Variants in SPIDR observed in about 807,000 individuals in gnomAD.
The protein encoded by SPIDR is scaffold protein involved in DNA repair, also known as DNA repair-scaffolding protein.
SPIDR carries 93 observed loss-of-function variants against 104.6 expected under a neutral mutation model. The ratio of observed to expected loss-of-function variants is 0.89; its 90% CI spans 0.75 to 1.06. The LOEUF (loss-of-function observed/expected upper bound fraction) is 1.06. SPIDR is among the 50% of genes least tolerant of loss of function. SPIDR has a pLI of 0.00. For missense variants in SPIDR, 1,154 were observed against 1,111.2 expected (o/e 1.04, Z -0.55); for synonymous variants, 431 against 416.9 (o/e 1.03, Z -0.41).
chr8:47,444,882 T>C (rs1335693910), intron 8 of SPIDR, among the ~76,000 whole-genome samples: 1 of 152,216 alleles, frequency 6.6e-6, no homozygotes, highest in Non-Finnish European at 1.5e-5. Flanking sequence ...GTGGTACATA[T>C]TGGTTCTTTT....
At chr8:47,578,070 C>T (rs979710116) in intron 8 of SPIDR, among the ~76,000 whole-genome samples, 1 of 152,216 alleles carries the variant, frequency 6.6e-6, no homozygotes, top group Non-Finnish European at 1.5e-5. Context: ...AAAGACTAAT[C>T]ATAACTGATA....
chr8:47,644,344 G>A (rs866684728), intron 10 of SPIDR, among the ~76,000 whole-genome samples: 114 of 152,300 alleles, frequency 7.5e-4, no homozygotes, highest in African/African-American at 2.1e-3. Flanking sequence ...TCTTAGCTGT[G>A]CCCCACAGCT....
At chr8:47,533,936 T>G (rs2086469643) in intron 8 of SPIDR, among the ~76,000 whole-genome samples, 1 of 152,222 alleles carries the variant, frequency 6.6e-6, no homozygotes, top group Non-Finnish European at 1.5e-5. Flanking sequence ...TTTGGCTCTG[T>G]GTCCCCACCC....
intron 5 of SPIDR, among the ~76,000 whole-genome samples, chr8:47,379,571 T>C (rs1232115370): frequency 6.6e-6 from 1 of 152,176 alleles, no homozygotes; most frequent in Non-Finnish European, 1.5e-5. Context: ...TTAAAATGAT[T>C]AAAATATAAG....
intron 10 of SPIDR, among the ~76,000 whole-genome samples, chr8:47,664,118 A>G (rs2154464869): frequency 6.6e-6 from 1 of 152,298 alleles, no homozygotes; most frequent in East Asian, 1.9e-4. Context: ...GGTCCAGTCA[A>G]GAAGATGGTC....
At chr8:47,576,227 C>T (rs900154977) in intron 8 of SPIDR, among the ~76,000 whole-genome samples, 11 of 151,598 alleles carry the variant, frequency 7.3e-5, no homozygotes, top group Non-Finnish European at 4.4e-5. Context: ...TTTCAGCTCA[C>T]TGCAGCCTCC....
chr8:47,553,384 TCAGA>T (rs2090863831), intron 8 of SPIDR, among the ~76,000 whole-genome samples: 1 of 152,244 alleles, frequency 6.6e-6, no homozygotes, highest in Non-Finnish European at 1.5e-5. Flanking sequence ...GGTACACCAA[TCAGA>T]CATAGATTTG....
intron 8 of SPIDR, among the ~76,000 whole-genome samples, chr8:47,570,961 G>A (rs2058446303): frequency 6.6e-6 from 1 of 151,966 alleles, no homozygotes; most frequent in South Asian, 2.1e-4. Context: ...TGTAGTGGTG[G>A]GCGCCTGTAG....
chr8:47,400,954 G>C (rs182113099), intron 6 of SPIDR, among the ~76,000 whole-genome samples: 1 of 152,110 alleles, frequency 6.6e-6, no homozygotes, highest in Non-Finnish European at 1.5e-5. Flanking sequence ...TAGCGAGGCA[G>C]GCCAACATTC....
chr8:47,668,623 A>G (rs1027428066), intron 10 of SPIDR, among the ~76,000 whole-genome samples: 3 of 151,892 alleles, frequency 2.0e-5, no homozygotes, highest in Non-Finnish European at 4.4e-5. Flanking sequence ...GGAACAAAAT[A>G]AGGATGCCCA....
chr8:47,501,590 CAG>C (rs2080446328), intron 8 of SPIDR, among the ~76,000 whole-genome samples: 1 of 152,182 alleles, frequency 6.6e-6, no homozygotes, highest in Admixed American at 6.5e-5. Flanking sequence ...CATCTGCAAA[CAG>C]GGACAATTTG....
chr8:47,595,453 TA>T (rs1287633861), intron 8 of SPIDR, among the ~76,000 whole-genome samples: 1 of 151,954 alleles, frequency 6.6e-6, no homozygotes, highest in Non-Finnish European at 1.5e-5. Flanking sequence ...CTGAAGGTTT[TA>T]TTTGTACATT....
At chr8:47,307,950 G>A (rs1554582402) in intron 5 of SPIDR, among the ~76,000 whole-genome samples, 1 of 151,942 alleles carries the variant, frequency 6.6e-6, no homozygotes, top group Non-Finnish European at 1.5e-5. Context: ...TCTTTTGAAT[G>A]TGTCATACTT....
intron 7 of SPIDR, among the ~76,000 whole-genome samples, chr8:47,413,435 A>G (rs1241188904): frequency 9.2e-5 from 14 of 152,002 alleles, no homozygotes; most frequent in Admixed American, 2.0e-4. Flanking sequence ...AAACCCTGCC[A>G]CTCTTCTGCC....
At chr8:47,333,206 T>C (rs78457555) in intron 5 of SPIDR, among the ~76,000 whole-genome samples, 2,770 of 152,262 alleles carry the variant, frequency 0.018, 88 homozygotes, top group African/African-American at 0.063. Flanking sequence ...ATCAGTGCCT[T>C]CTTCTGGAAT....
At chr8:47,604,389 C>T (rs1402266935) in intron 10 of SPIDR, among the ~76,000 whole-genome samples, 4 of 152,204 alleles carry the variant, frequency 2.6e-5, no homozygotes, top group African/African-American at 9.7e-5. Flanking sequence ...GCAGGAGCTG[C>T]AGTGTTTGCT....
At chr8:47,368,934 T>TA (rs1391324734) in intron 5 of SPIDR, among the ~76,000 whole-genome samples, 1 of 152,170 alleles carries the variant, frequency 6.6e-6, no homozygotes, top group African/African-American at 2.4e-5. Flanking sequence ...TGTTAGAACT[T>TA]ATGAAAGTTG....
At chr8:47,548,927 AC>A (rs2089975280) in intron 8 of SPIDR, among the ~76,000 whole-genome samples, 1 of 151,694 alleles carries the variant, frequency 6.6e-6, no homozygotes, top group African/African-American at 2.4e-5. Context: ...TTCTCCCCCT[AC>A]CCCATGACAT....
intron 5 of SPIDR, among the ~76,000 whole-genome samples, chr8:47,343,948 A>G (rs192838800): frequency 2.0e-5 from 3 of 151,058 alleles, no homozygotes. Context: ...CATTTTATGT[A>G]TTTTGTTGGC....
Sources: allele counts gnomAD v4.1 joint callset (sites outside exome capture counted in the v4.1 genomes callset), GRCh38; gene constraint gnomAD v4.1.1; transcripts MANE v1.5; gene names NCBI Gene and HGNC (gene_info 2026-07-23, HGNC 2026-07-21).